LCLAT1: variants seen among roughly 807,000 people sequenced by gnomAD.
LCLAT1 encodes the protein 1-AGP acyltransferase 8.
Under a neutral mutation model 30.7 loss-of-function variants are expected in LCLAT1, and 11 were observed. That is an observed-to-expected ratio of 0.36 (90% CI 0.23 to 0.59). The LOEUF is 0.59. Among genes scored for constraint, LCLAT1 ranks in the 20% least tolerant of loss-of-function variants. The pLI is 0.77. For synonymous variants in LCLAT1, 155 were observed against 151.3 expected, an observed-to-expected ratio of 1.02 and a Z score of -0.18; for missense variants, 402 against 458.6, an observed-to-expected ratio of 0.88 and a Z score of 1.13.
Position 30,595,396 on chromosome 2 carries a change from C to T in LCLAT1, c.628+27220C>T, listed in dbSNP as rs1316017707. Among the ~76,000 whole-genome samples, 4 of 152,178 alleles carry T rather than the reference C, an allele frequency of 2.6e-5. No homozygotes were observed. In the South Asian group the frequency reaches 8.3e-4, roughly 32 times the overall value. On this transcript the variant is annotated intron_variant, in intron 5 of 5. Coordinates refer to ENST00000379509, the MANE Select transcript of LCLAT1 (RefSeq NM_001002257.3). The stretch of plus-strand genomic sequence containing the variant: ...CTAATGTCTTGAGTGTAATTATGTG[C>T]CAAGCATTATTGAGCTATCAAGATG...
At chr2:30,528,777 A>G (rs1291576727) in intron 2 of LCLAT1, among the ~76,000 whole-genome samples, 1 of 152,212 alleles carries the variant, frequency 6.6e-6, no homozygotes. Context: ...ATTAGTATAC[A>G]TTTGGAAAAC....
At chr2:30,619,386 T>G (rs1668141637) in intron 5 of LCLAT1, among the ~76,000 whole-genome samples, 1 of 152,210 alleles carries the variant, frequency 6.6e-6, no homozygotes, top group African/African-American at 2.4e-5. Context: ...AGATCTGCTT[T>G]CCAGCTCACC....
At chr2:30,552,639 C>T in intron 3 of LCLAT1, 1 of 335,032 alleles carries the variant, frequency 3.0e-6, no homozygotes, top group Non-Finnish European at 6.2e-6. Context: ...GAGCATTACC[C>T]AGTTTGTAAT....
chr2:30,569,062 A>G (rs1688163103), intron 5 of LCLAT1, among the ~76,000 whole-genome samples: 1 of 152,110 alleles, frequency 6.6e-6, no homozygotes, highest in South Asian at 2.1e-4. Flanking sequence ...AAGTGCCACT[A>G]CCTCTACTAT....
intron 5 of LCLAT1, among the ~76,000 whole-genome samples, chr2:30,568,592 C>T (rs1413096234): frequency 7.0e-6 from 1 of 142,994 alleles, no homozygotes; most frequent in African/African-American, 2.6e-5. Flanking sequence ...ACTGCAAGCT[C>T]TGCCTCCCAG....
At chr2:30,611,728 GCTTA>G (rs1419039507) in intron 5 of LCLAT1, among the ~76,000 whole-genome samples, 7 of 152,170 alleles carry the variant, frequency 4.6e-5, no homozygotes, top group African/African-American at 1.7e-4. Flanking sequence ...GCAAAGAAGA[GCTTA>G]CTTCATCTGG....
chr2:30,571,462 G>A (rs1449688145), intron 5 of LCLAT1, among the ~76,000 whole-genome samples: 1 of 152,184 alleles, frequency 6.6e-6, no homozygotes, highest in Non-Finnish European at 1.5e-5. Context: ...TTAGTCTTCA[G>A]TAGCATTGTT....
At chr2:30,571,419 G>A (rs1032026754) in intron 5 of LCLAT1, among the ~76,000 whole-genome samples, 1 of 152,116 alleles carries the variant, frequency 6.6e-6, no homozygotes, top group African/African-American at 2.4e-5. Flanking sequence ...TAGCTACCTA[G>A]GAAATAAAAG....
chr2:30,503,942 T>C (rs1372395214), intron 1 of LCLAT1, among the ~76,000 whole-genome samples: 3 of 152,238 alleles, frequency 2.0e-5, no homozygotes, highest in Non-Finnish European at 4.4e-5. Context: ...CTTAGCCTTC[T>C]AAGATCCCCT....
chr2:30,539,651 C>T, intron 3 of LCLAT1, among the ~76,000 whole-genome samples: 1 of 152,128 alleles, frequency 6.6e-6, no homozygotes, highest in East Asian at 1.9e-4. Context: ...GGAATCTTCT[C>T]TTGGATAAAT....
In LCLAT1 at chr2:30,525,804, C is replaced by A. The variant is rs543542072; in HGVS notation, c.165+49C>A. The A allele has an allele frequency of 6.6e-6, 10 of 1,525,748 alleles. No homozygotes were observed. The Admixed American group carries it at 1.0e-4, about 16-fold the overall frequency. The allele number at this position is 1,525,748 out of a possible 1,614,324, so 94.5% of individuals were successfully genotyped here. On this transcript the variant is annotated intron_variant, in intron 2 of 5. Transcript: ENST00000379509. Reference sequence around the variant, plus strand: ...TGTCTGCTTGTACTAGAGTGCTCCCCACCCCTGATAGATACCTAAATCCAT... The same window carrying A: ...TGTCTGCTTGTACTAGAGTGCTCCCAACCCCTGATAGATACCTAAATCCAT...
At chr2:30,476,548 G>T in intron 1 of LCLAT1, 2 of 455,696 alleles carry the variant, frequency 4.4e-6, no homozygotes, top group Non-Finnish European at 8.8e-6. Flanking sequence ...AATGCCTGAT[G>T]ATCTGTCACT....
chr2:30,518,956 C>T (rs1465789982), intron 1 of LCLAT1, among the ~76,000 whole-genome samples: 2 of 152,212 alleles, frequency 1.3e-5, no homozygotes, highest in Non-Finnish European at 2.9e-5. Context: ...TAGTTTTAGC[C>T]ACCTGTTCAG....
chr2:30,540,323 T>C (rs1266635012), intron 3 of LCLAT1, among the ~76,000 whole-genome samples: 1 of 152,256 alleles, frequency 6.6e-6, no homozygotes, highest in Non-Finnish European at 1.5e-5. Flanking sequence ...TATTTTTAAA[T>C]GATATCATAG....
At chr2:30,538,823 G>A (rs557916925) in intron 3 of LCLAT1, among the ~76,000 whole-genome samples, 2 of 152,036 alleles carry the variant, frequency 1.3e-5, no homozygotes, top group South Asian at 4.1e-4. Flanking sequence ...TTTCAAGATT[G>A]AAATAGGGAA....
intron 5 of LCLAT1, among the ~76,000 whole-genome samples, chr2:30,619,173 C>T (rs1668130658): frequency 6.6e-6 from 1 of 152,174 alleles, no homozygotes; most frequent in South Asian, 2.1e-4. Context: ...AGGTTGAGAA[C>T]CACTGGTTTT....
At chr2:30,618,525 T>A (rs1668096840) in intron 5 of LCLAT1, among the ~76,000 whole-genome samples, 1 of 152,140 alleles carries the variant, frequency 6.6e-6, no homozygotes, top group African/African-American at 2.4e-5. Flanking sequence ...AAAATTTCAG[T>A]GTTCCAAAGA....
chr2:30,561,472 T>C (rs959325362), intron 3 of LCLAT1, among the ~76,000 whole-genome samples: 2 of 152,210 alleles, frequency 1.3e-5, no homozygotes, highest in Non-Finnish European at 2.9e-5. Flanking sequence ...TGTAGTAGTC[T>C]GGTCATTGTG....
chr2:30,528,739 G>A (rs1389837686), intron 2 of LCLAT1, among the ~76,000 whole-genome samples: 1 of 152,156 alleles, frequency 6.6e-6, no homozygotes, highest in Non-Finnish European at 1.5e-5. Context: ...ACATGGGTAA[G>A]ATTTAACTAC....
Sources: allele counts gnomAD v4.1 joint callset (sites outside exome capture counted in the v4.1 genomes callset), GRCh38; gene constraint gnomAD v4.1.1; transcripts MANE v1.5; gene names NCBI Gene and HGNC (gene_info 2026-07-23, HGNC 2026-07-21).